Variants in NKAIN3 observed in about 807,000 individuals in gnomAD.
NKAIN3 encodes the protein sodium/potassium transporting ATPase interacting 3.
In NKAIN3, 25 loss-of-function variants were observed where a neutral mutation model predicts 30.2. The observed-to-expected ratio is 0.83, with a 90% CI of 0.60 to 1.16. The LOEUF is 1.16. NKAIN3 is among the 50% of genes most tolerant of loss of function. The pLI is 0.00. For missense variants in NKAIN3, 225 were observed against 254.1 expected (o/e 0.89, Z 0.78); for synonymous variants, 91 against 89.6 (o/e 1.02, Z -0.09).
At chr8:62,455,051 C>T (rs1237288172) in intron 1 of NKAIN3, among the ~76,000 whole-genome samples, 1 of 152,216 alleles carries the variant, frequency 6.6e-6, no homozygotes, top group Non-Finnish European at 1.5e-5. Flanking sequence ...CAGGAAAATA[C>T]AGCAAAAGCA....
intron 1 of NKAIN3, among the ~76,000 whole-genome samples, chr8:62,487,435 T>C (rs1250303477): frequency 1.3e-5 from 2 of 152,218 alleles, no homozygotes; most frequent in East Asian, 3.8e-4. Flanking sequence ...AAGGGCAATA[T>C]GGACAATGTC....
At chr8:62,375,538 T>C (rs1169473939) in intron 1 of NKAIN3, among the ~76,000 whole-genome samples, 1 of 152,202 alleles carries the variant, frequency 6.6e-6, no homozygotes, top group Non-Finnish European at 1.5e-5. Context: ...TTAGCCGTTC[T>C]GAACTTCGAT....
At chr8:62,620,383 C>A (rs1811586047) in intron 3 of NKAIN3, among the ~76,000 whole-genome samples, 1 of 152,130 alleles carries the variant, frequency 6.6e-6, no homozygotes. Flanking sequence ...TTCTGTTTCT[C>A]AAATTCCCTC....
At chr8:62,535,066 G>T (rs1251760918) in intron 1 of NKAIN3, among the ~76,000 whole-genome samples, 1 of 151,946 alleles carries the variant, frequency 6.6e-6, no homozygotes, top group African/African-American at 2.4e-5. Context: ...TGTCTTTATG[G>T]AGTCATTACT....
At position 62,449,288 on chromosome 8, in the gene NKAIN3, T is replaced by TA. The variant is rs1046237164; in HGVS notation, c.55-130249dup. 6.6e-5 allele frequency among the ~76,000 whole-genome samples: 10 copies of TA among 152,162 alleles called. No individual in the cohort carries two copies. The South Asian group carries it at 1.9e-3, about 28-fold the overall frequency. Reference sequence around the variant, plus strand: ...AATGAAAAGAAGCCGGTTTAGTGGCTAAGCTTACTTTATGTGTAATCTATT... The same window carrying TA: ...AATGAAAAGAAGCCGGTTTAGTGGCTAAAGCTTACTTTATGTGTAATCTATT... On this transcript the variant is annotated intron_variant, in intron 1 of 6. Transcript: ENST00000623646.
rs117643166 is a variant in NKAIN3 at position 62,836,635 on chromosome 8, C to A, written c.472-81818C>A. Among the ~76,000 whole-genome samples, 1,003 of 152,214 alleles carry A rather than the reference C, an allele frequency of 6.6e-3. 5 individuals carry two copies. Among genetic ancestry groups the A allele is most frequent in the Non-Finnish European group, 0.012 (789 of 67,998 alleles). ...AAGTAGGTAGAATTACATGGTTTTT[C>A]TGATAGCAATGACAGTAGATAACAA... On this transcript the variant is annotated intron_variant, in intron 4 of 6. Coordinates refer to ENST00000623646, the MANE Select transcript of NKAIN3 (RefSeq NM_001304533.3).
In NKAIN3 at chr8:62,856,589, C is replaced by A. The variant is rs1016287830; in HGVS notation, c.472-61864C>A. On this transcript the variant is annotated intron_variant, in intron 4 of 6. Coordinates refer to ENST00000623646, the MANE Select transcript of NKAIN3 (RefSeq NM_001304533.3). ...CCATGGGGTTGTCTTCATTGGTGAA[C>A]AGCATGATCTTGTTATGACTCATCA... 5.1e-6 allele frequency: 4 copies of A among 782,270 alleles called. No homozygotes were observed. In the African/African-American group the frequency reaches 6.8e-5, roughly 13 times the overall value. The allele number at this position is 782,270 out of a possible 1,614,324, so 48.5% of individuals were successfully genotyped here.
intron 4 of NKAIN3, among the ~76,000 whole-genome samples, chr8:62,808,343 G>T: frequency 6.6e-6 from 1 of 152,054 alleles, no homozygotes; most frequent in South Asian, 2.1e-4. Context: ...TTTTATAATA[G>T]TAGTTCAACT....
chr8:62,852,913 A>T (rs2130777041), intron 4 of NKAIN3, among the ~76,000 whole-genome samples: 1 of 152,252 alleles, frequency 6.6e-6, no homozygotes, highest in East Asian at 1.9e-4. Flanking sequence ...TGTGGTGCTG[A>T]GAAGAATGTA....
intron 1 of NKAIN3, among the ~76,000 whole-genome samples, chr8:62,573,220 A>G (rs1428849500): frequency 1.3e-5 from 2 of 152,198 alleles, no homozygotes; most frequent in African/African-American, 4.8e-5. Context: ...ATTTTATTCA[A>G]TAACCATACT....
chr8:62,474,219 T>C (rs979601742), intron 1 of NKAIN3: 5 of 152,178 alleles, frequency 3.3e-5, no homozygotes, highest in South Asian at 2.1e-4. Flanking sequence ...ACAAAAAATA[T>C]ATACTTTTCC....
At chr8:62,652,587 A>C (rs1424084998) in intron 3 of NKAIN3, among the ~76,000 whole-genome samples, 1 of 152,128 alleles carries the variant, frequency 6.6e-6, no homozygotes, top group Non-Finnish European at 1.5e-5. Context: ...ATTTCTGAGG[A>C]GGTTTTAAAG....
chr8:62,824,493 C>G (rs1476513792), intron 4 of NKAIN3, among the ~76,000 whole-genome samples: 1 of 2,168 alleles, frequency 4.6e-4, no homozygotes, highest in Non-Finnish European at 1.4e-3. Flanking sequence ...ACCTCTTCAA[C>G]ACACACACAC....
intron 5 of NKAIN3, among the ~76,000 whole-genome samples, chr8:62,922,367 C>T (rs1822306165): frequency 2.0e-5 from 3 of 152,050 alleles, no homozygotes; most frequent in Admixed American, 2.0e-4. Context: ...AATCCTATCT[C>T]CACCTAAGAA....
chr8:62,908,581 C>A (rs2100512), intron 4 of NKAIN3, among the ~76,000 whole-genome samples: 13,522 of 152,132 alleles, frequency 0.089, 638 homozygotes, highest in South Asian at 0.15. Context: ...TTTTCCCATG[C>A]TGTTCTCATG....
intron 5 of NKAIN3, among the ~76,000 whole-genome samples, chr8:62,926,564 G>T (rs1192443143): frequency 4.6e-5 from 7 of 152,162 alleles, no homozygotes; most frequent in Admixed American, 4.6e-4. Flanking sequence ...TATTTGAGCT[G>T]TCAGTGCCGC....
At chr8:62,856,360 C>T (rs1334285458) in intron 4 of NKAIN3, 1 of 862,466 alleles carries the variant, frequency 1.2e-6, no homozygotes, top group Non-Finnish European at 2.0e-6. Flanking sequence ...TTCCTGGTCT[C>T]CTTGGAGTGA....
intron 1 of NKAIN3, among the ~76,000 whole-genome samples, chr8:62,504,403 A>G (rs546147384): frequency 2.6e-5 from 4 of 152,280 alleles, no homozygotes; most frequent in Admixed American, 1.3e-4. Context: ...ATTCTCTCCA[A>G]TGACTCTTCC....
chr8:62,361,399 T>C (rs1201601865), intron 1 of NKAIN3, among the ~76,000 whole-genome samples: 1 of 152,246 alleles, frequency 6.6e-6, no homozygotes, highest in Non-Finnish European at 1.5e-5. Context: ...CTTCCACTAA[T>C]AGCGTAAGCT....
Sources: gnomAD v4.1 joint callset for allele counts (sites outside exome capture counted in the v4.1 genomes callset) on GRCh38, gnomAD v4.1.1 for gene constraint, MANE v1.5 for transcripts, NCBI Gene and HGNC (gene_info 2026-07-23, HGNC 2026-07-21) for gene names.